Variants in STRN3 observed in about 807,000 individuals in gnomAD.
The protein encoded by STRN3 is striatin 3, also known as striatin-3.
STRN3 carries 29 observed loss-of-function variants against 95.6 expected under a neutral mutation model. The ratio of observed to expected loss-of-function variants is 0.30; its 90% CI spans 0.23 to 0.41. The LOEUF (loss-of-function observed/expected upper bound fraction) is 0.41. STRN3 is among the 10% of genes least tolerant of loss of function. STRN3 has a pLI of 1.00. For missense variants in STRN3, 890 were observed against 972.1 expected (o/e 0.92, Z 1.12); for synonymous variants, 331 against 357.6 (o/e 0.93, Z 0.84).
At chr14:30,944,386 C>T (rs1879238167) in intron 5 of STRN3, among the ~76,000 whole-genome samples, 1 of 151,378 alleles carries the variant, frequency 6.6e-6, no homozygotes, top group African/African-American at 2.4e-5. Context: ...ATAGTCATTT[C>T]TCAGAAATGA....
At chr14:31,005,070 A>G (rs1007621031) in intron 1 of STRN3, among the ~76,000 whole-genome samples, 1 of 152,298 alleles carries the variant, frequency 6.6e-6, no homozygotes, top group African/African-American at 2.4e-5. Flanking sequence ...ACAGTGGCTC[A>G]CCCCTATAAT....
At chr14:30,950,991 T>C in intron 3 of STRN3, 47 bp from the exon 4 acceptor site, 1 of 1,510,940 alleles carries the variant, frequency 6.6e-7, no homozygotes, top group Non-Finnish European at 9.1e-7. Flanking sequence ...TTTCGACTCC[T>C]GAAAATATTG....
intron 5 of STRN3, among the ~76,000 whole-genome samples, chr14:30,944,626 T>C (rs1356630188): frequency 6.7e-6 from 1 of 148,596 alleles, no homozygotes; most frequent in African/African-American, 2.5e-5. Flanking sequence ...TACACATTTT[T>C]TTTTTTTTTT....
chr14:30,956,252 T>C lies in STRN3; in HGVS notation c.283-10A>G, dbSNP rs1277347226. Reference sequence around the variant, plus strand: ...GAAATGCAATCCGGGCCTAAAAATATAAAAGATGCATTTATTTACATTTTC... The same window carrying C: ...GAAATGCAATCCGGGCCTAAAAATACAAAAGATGCATTTATTTACATTTTC... On this transcript the variant is annotated splice_polypyrimidine_tract_variant and intron_variant, in intron 1 of 17. Transcript: ENST00000357479. The C allele has an allele frequency of 4.3e-6, 7 of 1,609,928 alleles. No homozygotes were observed. Among genetic ancestry groups the C allele is most frequent in the South Asian group, 2.2e-5 (2 of 91,008 alleles).
At chr14:30,968,286 C>CAAAAAAAAAAAAAAAA (rs71112363) in intron 1 of STRN3, among the ~76,000 whole-genome samples, 1 of 83,062 alleles carries the variant, frequency 1.2e-5, no homozygotes. Flanking sequence ...TTATCATCTT[C>CAAAAAAAAAAAAAAAA]AAAAAAAAAA....
intron 1 of STRN3, among the ~76,000 whole-genome samples, chr14:30,988,902 G>T (rs945877045): frequency 6.6e-6 from 1 of 152,080 alleles, no homozygotes; most frequent in Non-Finnish European, 1.5e-5. Context: ...TTCCAATAAT[G>T]AATTATAATT....
chr14:31,002,270 G>A (rs179701), intron 1 of STRN3, among the ~76,000 whole-genome samples: 94,943 of 149,198 alleles, frequency 0.64, 31,222 homozygotes, highest in Non-Finnish European at 0.73. Context: ...TCAGGATATC[G>A]AGACCATCCT....
At chr14:30,916,135 C>T (rs1173597700) in intron 9 of STRN3, among the ~76,000 whole-genome samples, 2 of 152,116 alleles carry the variant, frequency 1.3e-5, no homozygotes, top group South Asian at 2.1e-4. Context: ...ATCACAGCAG[C>T]TACTCATCTG....
chr14:30,933,964 GT>G (rs1033004831), intron 7 of STRN3, among the ~76,000 whole-genome samples: 2 of 152,034 alleles, frequency 1.3e-5, no homozygotes, highest in African/African-American at 4.8e-5. Context: ...TATCAAAGTT[GT>G]TTTTTAAAAA....
chr14:31,026,293 G>T lies in STRN3; in HGVS notation c.-108C>A, dbSNP rs962049295. On this transcript the variant is annotated 5_prime_UTR_variant, in exon 1 of 18. Transcript: ENST00000357479. ...GCGGGGCGGAGGCCGGCCGGGAGAG[G>T]GGCGGGGAAGGGGTCGTTGCTGTGT... is the stretch of plus-strand genomic sequence containing the variant. 3.5e-5 allele frequency: 42 copies of T among 1,199,364 alleles called. No individual in the cohort carries two copies. The highest frequency in any genetic ancestry group is 4.1e-5 in the Non-Finnish European group (38 of 926,588). 74.3% of individuals were successfully genotyped at this position (1,199,364 alleles called of 1,614,324 possible). A position where few individuals can be genotyped will look rare whatever the true frequency, so the allele number is the denominator to read the frequency against.
rs1883915693 is a variant in STRN3 at position 31,026,216 on chromosome 14, C to T, written c.-31G>A. 3 of 1,384,174 alleles carry T rather than the reference C, an allele frequency of 2.2e-6. No individual in the cohort carries two copies. Among genetic ancestry groups the T allele is most frequent in the Admixed American group, 3.7e-5 (1 of 26,896 alleles). The allele number at this position is 1,384,174 out of a possible 1,614,324, so 85.7% of individuals were successfully genotyped here. A position where few individuals can be genotyped will look rare whatever the true frequency, so the allele number is the denominator to read the frequency against. On this transcript the variant is annotated 5_prime_UTR_variant, in exon 1 of 18. Coordinates refer to ENST00000357479, the MANE Select transcript of STRN3 (RefSeq NM_001083893.2). ...GTGGGGCCCCGGCCGGGGCGCAGGGCGAGACGCCGACAGCTGGGGGAAGGG... is the reference window on the plus strand; with the variant it reads ...GTGGGGCCCCGGCCGGGGCGCAGGGTGAGACGCCGACAGCTGGGGGAAGGG...
At chr14:30,971,594 CACGATATTAGCAGAAAGAGG>C (rs1880830374) in intron 1 of STRN3, among the ~76,000 whole-genome samples, 1 of 152,164 alleles carries the variant, frequency 6.6e-6, no homozygotes, top group Non-Finnish European at 1.5e-5. Context: ...TAGCCTTAGA[CACGATATTAGCAGAAAGAGG>C]ATTTTGCATC....
chr14:30,914,054 C>T (rs1351170955), intron 9 of STRN3, among the ~76,000 whole-genome samples: 1 of 152,116 alleles, frequency 6.6e-6, no homozygotes, highest in Non-Finnish European at 1.5e-5. Context: ...TACCATGGAC[C>T]TCAAGGACCT....
At chr14:30,926,376 T>A (rs2139039429) in intron 8 of STRN3, among the ~76,000 whole-genome samples, 1 of 151,976 alleles carries the variant, frequency 6.6e-6, no homozygotes, top group Non-Finnish European at 1.5e-5. Flanking sequence ...AAATAATGAG[T>A]TAAATTACAA....
At chr14:30,970,991 T>C (rs1880799052) in intron 1 of STRN3, among the ~76,000 whole-genome samples, 1 of 152,204 alleles carries the variant, frequency 6.6e-6, no homozygotes, top group African/African-American at 2.4e-5. Flanking sequence ...CTCTGCTATA[T>C]CCCAAAATCC....
chr14:30,963,356 T>C (rs894055768), intron 1 of STRN3, among the ~76,000 whole-genome samples: 1 of 152,172 alleles, frequency 6.6e-6, no homozygotes, highest in African/African-American at 2.4e-5. Context: ...TAAGTGCACA[T>C]GGGACAGTCT....
intron 1 of STRN3, among the ~76,000 whole-genome samples, chr14:30,973,264 GA>G (rs11325139): frequency 1 from 149,625 of 150,168 alleles, 74,549 homozygotes; most frequent in Middle Eastern, 1. Context: ...AAACAGAATA[GA>G]AAAAAAAAAT....
chr14:30,925,502 C>T (rs976735264), intron 8 of STRN3, among the ~76,000 whole-genome samples: 1 of 151,932 alleles, frequency 6.6e-6, no homozygotes, highest in African/African-American at 2.4e-5. Flanking sequence ...TCTGTAGAAG[C>T]TTATGCTAAT....
chr14:30,895,319 TGTA>T lies in STRN3; in HGVS notation c.*89_*91del. 7.6e-7 allele frequency: 1 copy of T among 1,320,616 alleles called. No homozygotes were observed. The highest frequency in any genetic ancestry group is 1.0e-6 in the Non-Finnish European group (1 of 984,248). The allele number at this position is 1,320,616 out of a possible 1,614,324, so 81.8% of individuals were successfully genotyped here. Reference sequence around the variant, plus strand: ...GATAGCCTTCACCAGGCAGATCACATGTAGTGTCATATCAGTAACCTTTCTGAT... The same window carrying T: ...GATAGCCTTCACCAGGCAGATCACATGTGTCATATCAGTAACCTTTCTGAT... On this transcript the variant is annotated 3_prime_UTR_variant, in exon 18 of 18. Coordinates refer to ENST00000357479, the MANE Select transcript of STRN3 (RefSeq NM_001083893.2).
Sources: allele counts gnomAD v4.1 joint callset (sites outside exome capture counted in the v4.1 genomes callset), GRCh38; gene constraint gnomAD v4.1.1; transcripts MANE v1.5; gene names NCBI Gene and HGNC (gene_info 2026-07-23, HGNC 2026-07-21).